LYPD8: variants seen among roughly 807,000 people sequenced by gnomAD.
LYPD8 encodes the protein LY6/PLAUR domain containing 8.
LYPD8 carries 8 observed loss-of-function variants against 1.7 expected under a neutral mutation model. The ratio of observed to expected loss-of-function variants is 4.58; its 90% CI spans 2.69 to 8.27. LYPD8 has a LOEUF of 8.27. Among genes scored for constraint, LYPD8 ranks in the 30% most tolerant of loss-of-function variants. The pLI is 0.00. For missense variants in LYPD8, 112 were observed against 102.3 expected (o/e 1.09, Z -0.41); for synonymous variants, 50 against 43.6 (o/e 1.15, Z -0.58).
rs868916623 is a variant in LYPD8, at chr1:248,739,830, G to A, written c.495C>T (p.Leu165=). 1.3e-6 allele frequency: 2 copies of A among 1,551,630 alleles called. No homozygotes were observed. The highest frequency in any genetic ancestry group is 2.7e-5 in the African/African-American group (2 of 73,066). The change falls in exon 7 of 7, where the codon CTC becomes CTT. Residue 165 remains leucine (L), a synonymous_variant. Coordinates refer to ENST00000590317, the MANE Select transcript of LYPD8 (RefSeq NM_001085474.2). This position sits in a 1 kb window ranked among gnomAD's most constrained non-coding sequence, Gnocchi z 4.3. The part of the protein sequence containing the change: ...ELKNDIESKS[L]VLKGCSNVSN... Reference sequence around the variant, plus strand: ...TGACGTTGGAACAGCCTTTCAGCACGAGACTCTTAGACTCAATGTCTGTGA... The same window carrying A: ...TGACGTTGGAACAGCCTTTCAGCACAAGACTCTTAGACTCAATGTCTGTGA...
Position 248,748,416 on chromosome 1 carries a change from T to C in LYPD8, c.210A>G (p.Ser70=). The C allele has an allele frequency of 4.7e-6, 2 of 423,534 alleles. No individual in the cohort carries two copies. The highest frequency in any genetic ancestry group is 8.2e-6 in the Non-Finnish European group (2 of 242,474). The allele number at this position is 423,534 out of a possible 1,614,324, so 26.2% of individuals were successfully genotyped here. The part of the protein sequence containing the change: ...PVRLYQNMFC[S]AENCSEETHI... ...GTGTCTCCTCACTGCAGTTCTCCGCTGAGCAGAACATATTCTGGTATAATC... is the reference window on the plus strand; with the variant it reads ...GTGTCTCCTCACTGCAGTTCTCCGCCGAGCAGAACATATTCTGGTATAATC... The change falls in exon 5 of 7, where the codon TCA becomes TCG. Residue 70 remains serine (S), a synonymous_variant. Transcript: ENST00000590317.
At chr1:248,742,936 GGGGATGTT>G in intron 6 of LYPD8, among the ~76,000 whole-genome samples, 1 of 129,070 alleles carries the variant, frequency 7.7e-6, no homozygotes, top group African/African-American at 3.1e-5. Context: ...ATGCTCTGGT[GGGGATGTT>G]GGCAGCCGGG....
rs1026617252 is a variant in LYPD8, at chr1:248,748,432, T to C, written c.194A>G (p.Gln65Arg). ...GTTCTCCGCTGAGCAGAACATATTCTGGTATAATCTGACTGGTGTCTCTAC... is the reference window on the plus strand; with the variant it reads ...GTTCTCCGCTGAGCAGAACATATTCCGGTATAATCTGACTGGTGTCTCTAC... The part of the protein sequence containing the change: ...SSLETPVRLY[Q>R]NMFCSAENCS... Residue 65 changes from glutamine to arginine, a missense_variant, in exon 5 of 7, where the codon CAG (glutamine) becomes CGG (arginine). Coordinates refer to ENST00000590317, the MANE Select transcript of LYPD8 (RefSeq NM_001085474.2). The C allele has an allele frequency of 4.9e-6, 2 of 411,728 alleles. No individual in the cohort carries two copies. Among genetic ancestry groups the C allele is most frequent in the Admixed American group, 8.8e-5 (2 of 22,800 alleles). 25.5% of individuals were successfully genotyped at this position (411,728 alleles called of 1,614,324 possible).
intron 6 of LYPD8, among the ~76,000 whole-genome samples, chr1:248,741,263 G>A (rs1312329280): frequency 6.6e-6 from 1 of 152,218 alleles, no homozygotes; most frequent in Non-Finnish European, 1.5e-5. Flanking sequence ...CTGGAGTGCA[G>A]TGGTGCAATC....
intron 2 of LYPD8, among the ~76,000 whole-genome samples, chr1:248,753,863 C>G (rs960820548): frequency 2.7e-5 from 4 of 149,484 alleles, no homozygotes; most frequent in African/African-American, 9.9e-5. Context: ...GACACATACA[C>G]CACACACCCC....
chr1:248,745,379 G>A (rs995825747), intron 5 of LYPD8, 100 bp from the exon 6 acceptor site: 107 of 395,458 alleles, frequency 2.7e-4, no homozygotes, highest in African/African-American at 1.7e-3. Context: ...ATCGGAGAAC[G>A]GAGCAATGAC....
chr1:248,749,936 A>G (rs1380083383), intron 4 of LYPD8, among the ~76,000 whole-genome samples: 1 of 151,982 alleles, frequency 6.6e-6, no homozygotes, highest in Non-Finnish European at 1.5e-5. Context: ...AAAAAAAACT[A>G]TAGCAAAAAA....
At chr1:248,755,439 C>T in intron 1 of LYPD8, 53 bp from the exon 2 acceptor site, 1 of 152,422 alleles carries the variant, frequency 6.6e-6, no homozygotes, top group East Asian at 1.9e-4. Context: ...CAGAATGATG[C>T]ACAGAACACG....
chr1:248,753,077 C>A (rs1465179034), intron 2 of LYPD8, among the ~76,000 whole-genome samples: 2 of 111,634 alleles, frequency 1.8e-5, no homozygotes, highest in Non-Finnish European at 3.4e-5. Flanking sequence ...CCCCACACAC[C>A]CCACACCACA....
chr1:248,750,266 G>A (rs935791881), intron 4 of LYPD8, among the ~76,000 whole-genome samples: 2 of 148,508 alleles, frequency 1.3e-5, no homozygotes, highest in Admixed American at 1.4e-4. Flanking sequence ...ACTGACATGC[G>A]TCTCGAATGA....
intron 6 of LYPD8, among the ~76,000 whole-genome samples, chr1:248,744,272 G>A (rs1662681820): frequency 6.6e-6 from 1 of 152,216 alleles, no homozygotes; most frequent in South Asian, 2.1e-4. Context: ...GATACTCACT[G>A]AAGTGCCTGG....
intron 6 of LYPD8, among the ~76,000 whole-genome samples, chr1:248,741,357 C>T (rs1359628846): frequency 3.3e-5 from 5 of 152,308 alleles, no homozygotes; most frequent in African/African-American, 9.6e-5. Context: ...CAGGCGCGTG[C>T]CACCACATCT....
At chr1:248,753,276 ACACAACACACACACAC>A (rs1410460959) in intron 2 of LYPD8, among the ~76,000 whole-genome samples, 5,106 of 109,328 alleles carry the variant, frequency 0.047, 363 homozygotes, top group East Asian at 0.12. Context: ...CACACACACC[ACACAACACACACACAC>A]CACACACACC....
At chr1:248,746,166 G>A (rs923395857) in intron 5 of LYPD8, among the ~76,000 whole-genome samples, 2 of 152,320 alleles carry the variant, frequency 1.3e-5, no homozygotes, top group Non-Finnish European at 1.5e-5. Flanking sequence ...GTTACAATTT[G>A]TAAATATTAT....
intron 3 of LYPD8, 125 bp downstream of exon 3, chr1:248,750,905 G>A (rs36157362): frequency 0.093 from 36,980 of 398,116 alleles, 1,985 homozygotes; most frequent in East Asian, 0.18. Context: ...GCACGGACAG[G>A]TCTCATGGTC....
At chr1:248,750,904 G>T in intron 3 of LYPD8, 126 bp downstream of exon 3, 1 of 398,208 alleles carries the variant, frequency 2.5e-6, no homozygotes. Flanking sequence ...TGCACGGACA[G>T]GTCTCATGGT....
At chr1:248,743,331 G>A (rs1399566494) in intron 6 of LYPD8, among the ~76,000 whole-genome samples, 1 of 152,064 alleles carries the variant, frequency 6.6e-6, no homozygotes, top group Non-Finnish European at 1.5e-5. Flanking sequence ...CAGGTGTGGT[G>A]GCACATGTGT....
chr1:248,751,739 G>A (rs1346421994), intron 2 of LYPD8, among the ~76,000 whole-genome samples: 1 of 152,134 alleles, frequency 6.6e-6, no homozygotes, highest in Non-Finnish European at 1.5e-5. Flanking sequence ...ACTTCTGGGA[G>A]GTATCAGAAC....
In LYPD8 at chr1:248,752,986, AAC is replaced by A. The variant is rs1219603546; in HGVS notation, c.-49-1858_-49-1857del. ...ACCCCACACAACACACACACAACAC[AAC>A]ACACACACAAACACACCACATCATA... On this transcript the variant is annotated intron_variant, in intron 2 of 6. Coordinates refer to ENST00000590317, the MANE Select transcript of LYPD8 (RefSeq NM_001085474.2). Among the ~76,000 whole-genome samples, 537 of 68,296 alleles carry A rather than the reference AAC, an allele frequency of 7.9e-3. 20 individuals carry two copies. In the East Asian group the frequency reaches 0.087, roughly 11 times the overall value. 44.8% of individuals were successfully genotyped at this position (68,296 alleles called of 152,430 possible). A position where few individuals can be genotyped will look rare whatever the true frequency, so the allele number is the denominator to read the frequency against.
Sources: allele counts gnomAD v4.1 joint callset (sites outside exome capture counted in the v4.1 genomes callset), GRCh38; gene constraint gnomAD v4.1.1; non-coding constraint Gnocchi (gnomAD v3.1); transcripts MANE v1.5; gene names NCBI Gene and HGNC (gene_info 2026-07-23, HGNC 2026-07-21).